Variants in FSTL5 observed in about 807,000 individuals in gnomAD.
FSTL5 encodes the protein follistatin-related protein 5.
In FSTL5, 62 loss-of-function variants were observed where a neutral mutation model predicts 89.1. The observed-to-expected ratio is 0.70, with a 90% CI of 0.57 to 0.86. The LOEUF (loss-of-function observed/expected upper bound fraction) is 0.86, where lower values mean the gene tolerates loss of function less well. Among genes scored for constraint, FSTL5 ranks in the 40% least tolerant of loss-of-function variants. The pLI is 0.00. For missense variants in FSTL5, 1,057 were observed against 1,001.6 expected (o/e 1.06, Z -0.75); for synonymous variants, 383 against 346.2 (o/e 1.11, Z -1.18).
chr4:161,482,047 G>A (rs529326679), intron 12 of FSTL5, among the ~76,000 whole-genome samples: 170 of 152,294 alleles, frequency 1.1e-3, no homozygotes, highest in Non-Finnish European at 2.0e-3. Context: ...CAGGCCGGGC[G>A]TGGTGGCTCA....
At chr4:162,163,061 T>TG (rs1479848285) in intron 1 of FSTL5, among the ~76,000 whole-genome samples, 3 of 152,174 alleles carry the variant, frequency 2.0e-5, no homozygotes, top group Non-Finnish European at 4.4e-5. Flanking sequence ...CACATCTAAA[T>TG]GGACCCAGCA....
At chr4:162,127,141 T>G (rs1481910335) in intron 1 of FSTL5, among the ~76,000 whole-genome samples, 1 of 152,176 alleles carries the variant, frequency 6.6e-6, no homozygotes, top group Non-Finnish European at 1.5e-5. Flanking sequence ...CAAGAACTTG[T>G]AATAGAAAGT....
intron 1 of FSTL5, among the ~76,000 whole-genome samples, chr4:162,153,782 CA>C (rs1323849075): frequency 2.3e-4 from 29 of 124,898 alleles, no homozygotes; most frequent in African/African-American, 6.7e-4. Context: ...TATATGTATA[CA>C]TATATATGTA....
intron 2 of FSTL5, among the ~76,000 whole-genome samples, chr4:162,079,496 T>C (rs1180241930): frequency 6.6e-6 from 1 of 151,608 alleles, no homozygotes; most frequent in African/African-American, 2.4e-5. Context: ...CTTTTCTGTA[T>C]GTCTTATGTG....
intron 4 of FSTL5, among the ~76,000 whole-genome samples, chr4:161,803,600 T>A (rs1821469): frequency 0.74 from 112,071 of 151,642 alleles, 41,452 homozygotes; most frequent in Admixed American, 0.76. Flanking sequence ...ACAACTCAAC[T>A]GTATTATCTG....
intron 8 of FSTL5, among the ~76,000 whole-genome samples, chr4:161,557,420 T>C (rs1732431055): frequency 6.6e-6 from 1 of 151,674 alleles, no homozygotes; most frequent in South Asian, 2.1e-4. Flanking sequence ...AGTTATGCTG[T>C]TATTTTACAC....
chr4:161,416,071 A>C (rs1243958102), intron 15 of FSTL5, among the ~76,000 whole-genome samples: 1 of 152,096 alleles, frequency 6.6e-6, no homozygotes, highest in Non-Finnish European at 1.5e-5. Flanking sequence ...CCAATTCATC[A>C]ACCTATATAG....
rs934768985 is a variant in FSTL5 at position 162,028,045 on chromosome 4, T to C, written c.160+5580A>G. Among the ~76,000 whole-genome samples the C allele has an allele frequency of 1.8e-4, 27 of 152,170 alleles. 1 individual carries two copies. The highest frequency in any genetic ancestry group is 6.6e-4 in the Admixed American group (10 of 15,264). The stretch of plus-strand genomic sequence containing the variant: ...ATTATTATTACAAATCTACCATAAA[T>C]AAACTTGTCTGATGTTTATTCAGCA... On this transcript the variant is annotated intron_variant, in intron 3 of 15. Coordinates refer to ENST00000306100, the MANE Select transcript of FSTL5 (RefSeq NM_020116.5).
intron 3 of FSTL5, among the ~76,000 whole-genome samples, chr4:161,949,262 A>C (rs953648912): frequency 6.6e-6 from 1 of 152,134 alleles, no homozygotes; most frequent in South Asian, 2.1e-4. Flanking sequence ...CCACTTGGAT[A>C]ATCCAGAATA....
chr4:161,396,767 G>A (rs1043855799), intron 15 of FSTL5, among the ~76,000 whole-genome samples: 2 of 148,832 alleles, frequency 1.3e-5, no homozygotes, highest in Non-Finnish European at 3.0e-5. Flanking sequence ...AAGCCCAAAA[G>A]CTATACCCAT....
At chr4:161,524,978 CT>C (rs1731168561) in intron 10 of FSTL5, among the ~76,000 whole-genome samples, 1 of 151,712 alleles carries the variant, frequency 6.6e-6, no homozygotes, top group Non-Finnish European at 1.5e-5. Flanking sequence ...AAAAAGTTTC[CT>C]GGATCATTCC....
chr4:161,637,940 G>A (rs1237253345), intron 7 of FSTL5, among the ~76,000 whole-genome samples: 14 of 147,876 alleles, frequency 9.5e-5, no homozygotes, highest in South Asian at 4.5e-4. Flanking sequence ...TTGACTTGGC[G>A]ATGCGGGCTC....
Position 161,937,855 on chromosome 4 carries a change from A to C in FSTL5, c.161-17203T>G, listed in dbSNP as rs557423424. 2.0e-3 allele frequency among the ~76,000 whole-genome samples: 300 copies of C among 152,216 alleles called. 1 individual carries two copies. The highest frequency in any genetic ancestry group is 6.8e-3 in the African/African-American group (283 of 41,536). On this transcript the variant is annotated intron_variant, in intron 3 of 15. Transcript: ENST00000306100. ...CTGTACTTTTTGGTGTCTGGTCCAC[A>C]ATTTAGCCCTGCCAGTTGCCCTGCT...
chr4:161,527,426 A>G (rs1731262938), intron 10 of FSTL5, among the ~76,000 whole-genome samples: 1 of 152,194 alleles, frequency 6.6e-6, no homozygotes, highest in Admixed American at 6.6e-5. Flanking sequence ...AGAATCTACA[A>G]TGAACTCAAA....
chr4:161,820,544 T>C (rs1730458014), intron 4 of FSTL5, among the ~76,000 whole-genome samples: 1 of 152,210 alleles, frequency 6.6e-6, no homozygotes, highest in African/African-American at 2.4e-5. Context: ...TATTTGTCAA[T>C]GTTTCTTATA....
At chr4:161,457,195 T>C (rs566809584) in intron 14 of FSTL5, among the ~76,000 whole-genome samples, 1 of 152,200 alleles carries the variant, frequency 6.6e-6, no homozygotes, top group Non-Finnish European at 1.5e-5. Context: ...TCAATCTACC[T>C]ATCTAATCAA....
chr4:161,485,860 G>C (rs139511413), intron 12 of FSTL5, among the ~76,000 whole-genome samples: 2,654 of 152,108 alleles, frequency 0.017, 73 homozygotes, highest in African/African-American at 0.06. Flanking sequence ...TAATGAGGCC[G>C]GGCGCAGCAG....
At chr4:161,802,270 G>C (rs567187066) in intron 4 of FSTL5, among the ~76,000 whole-genome samples, 1 of 151,558 alleles carries the variant, frequency 6.6e-6, no homozygotes, top group Non-Finnish European at 1.5e-5. Context: ...GTTAGTTCTG[G>C]GACTTTGATT....
intron 3 of FSTL5, among the ~76,000 whole-genome samples, chr4:161,963,163 C>T (rs359507): frequency 0.65 from 98,041 of 151,700 alleles, 32,909 homozygotes; most frequent in African/African-American, 0.84. Flanking sequence ...AAAACAGTTA[C>T]TGCTTTTTTT....
Sources: gnomAD v4.1 joint callset for allele counts (sites outside exome capture counted in the v4.1 genomes callset) on GRCh38, gnomAD v4.1.1 for gene constraint, MANE v1.5 for transcripts, NCBI Gene and HGNC (gene_info 2026-07-23, HGNC 2026-07-21) for gene names.